RANBP2: variants seen among roughly 807,000 people sequenced by gnomAD.
RANBP2 encodes E3 SUMO-protein ligase RanBP2.
A neutral mutation model predicts 303.6 loss-of-function variants in RANBP2; 57 were observed. The observed-to-expected ratio is 0.19, with a 90% confidence interval of 0.15 to 0.23. The LOEUF (loss-of-function observed/expected upper bound fraction) is 0.23. RANBP2 is among the 10% of genes least tolerant of loss of function. The pLI is 1.00. For missense variants in RANBP2, 3,138 were observed against 3,780.8 expected, an observed-to-expected ratio of 0.83 and a Z score of 4.46; for synonymous variants, 1,167 against 1,301.5, an observed-to-expected ratio of 0.90 and a Z score of 2.23.
At chr2:108,810,968 A>G in the RANBP2 span, among the ~76,000 whole-genome samples, 2 of 152,068 alleles carry the variant, frequency 1.3e-5, no homozygotes, top group African/African-American at 4.8e-5. Flanking sequence ...TTGTTGGCAT[A>G]TAGTTGTTTC....
chr2:109,327,261 G>C, the RANBP2 span, among the ~76,000 whole-genome samples: 2 of 152,184 alleles, frequency 1.3e-5, no homozygotes, highest in South Asian at 4.1e-4. Flanking sequence ...TTTCCATCTA[G>C]ATAACCTAAC....
At chr2:108,942,201 C>T in the RANBP2 span, among the ~76,000 whole-genome samples, 1 of 152,260 alleles carries the variant, frequency 6.6e-6, no homozygotes, top group African/African-American at 2.4e-5. Flanking sequence ...AAGGGAGGCA[C>T]TCACTACTCC....
At chr2:109,151,278 C>G in the RANBP2 span, among the ~76,000 whole-genome samples, 1 of 152,062 alleles carries the variant, frequency 6.6e-6, no homozygotes, top group East Asian at 1.9e-4. Flanking sequence ...ATGTTTGTGG[C>G]CATGGAAACA....
the RANBP2 span, among the ~76,000 whole-genome samples, chr2:109,431,871 A>AG: frequency 7.4e-6 from 1 of 134,764 alleles, no homozygotes; most frequent in African/African-American, 3.3e-5. Flanking sequence ...ATGCTGTTTC[A>AG]AAAAAAAAAA....
chr2:109,269,014 ATGAGG>A, the RANBP2 span, among the ~76,000 whole-genome samples: 2 of 152,174 alleles, frequency 1.3e-5, no homozygotes, highest in Non-Finnish European at 2.9e-5. Context: ...TGCCCAGGTG[ATGAGG>A]CTTGAGGACA....
At chr2:109,249,467 C>CTCTTTCCTTCTTTCTT in the RANBP2 span, among the ~76,000 whole-genome samples, 1 of 99,290 alleles carries the variant, frequency 1.0e-5, no homozygotes, top group Admixed American at 1.1e-4. Context: ...TTCTCTCTTT[C>CTCTTTCCTTCTTTCTT]TCTTTCTTTC....
chr2:108,781,301 G>C lies in RANBP2; in HGVS notation c.8632G>C (p.Ala2878Pro). Reference protein sequence around the residue: ...KNFQWANTGAAVFGTQSVGTQ... With the variant: ...KNFQWANTGAPVFGTQSVGTQ... ...TTTCCAATGGGCAAATACTGGAGCA[G>C]CTGTGTTTGGAACACAGTCAGTCGG... is the stretch of plus-strand genomic sequence containing the variant. The change falls in exon 26 of 29, where the codon GCT (alanine) becomes CCT (proline). Residue 2878 changes from alanine to proline, a missense_variant. Physicochemically the swap from Ala to Pro is conservative, Grantham distance 27 (BLOSUM62 -1). Coordinates refer to ENST00000283195, the MANE Select transcript of RANBP2 (RefSeq NM_006267.5). 1.2e-6 allele frequency: 2 copies of C among 1,614,144 alleles called. No homozygotes were observed. The highest frequency in any genetic ancestry group is 1.7e-6 in the Non-Finnish European group (2 of 1,180,024).
chr2:109,592,361 A>C, the RANBP2 span, among the ~76,000 whole-genome samples: 65 of 151,970 alleles, frequency 4.3e-4, no homozygotes, highest in African/African-American at 1.6e-3. Context: ...GCTACTTGGA[A>C]GGCTGAGGCA....
chr2:109,479,792 G>A, the RANBP2 span, among the ~76,000 whole-genome samples: 1 of 152,112 alleles, frequency 6.6e-6, no homozygotes, highest in East Asian at 1.9e-4. Context: ...GCAATTCTAC[G>A]GGTTTCGCAG....
chr2:109,342,699 G>T, the RANBP2 span, among the ~76,000 whole-genome samples: 1 of 152,180 alleles, frequency 6.6e-6, no homozygotes, highest in African/African-American at 2.4e-5. Flanking sequence ...AGGGGTGTCA[G>T]GAGCACATTC....
chr2:109,644,342 A>G, the RANBP2 span, among the ~76,000 whole-genome samples: 3 of 151,764 alleles, frequency 2.0e-5, no homozygotes, highest in South Asian at 6.2e-4. Context: ...TGCACAGCTG[A>G]CTCTGCACGA....
At chr2:109,325,978 A>T in the RANBP2 span, among the ~76,000 whole-genome samples, 4 of 152,370 alleles carry the variant, frequency 2.6e-5, no homozygotes, top group East Asian at 7.7e-4. Flanking sequence ...CGTATATGTC[A>T]TGTTTAAAGA....
intron 17 of RANBP2, among the ~76,000 whole-genome samples, chr2:108,757,245 T>TACAAACC (rs1676388406): frequency 6.6e-6 from 1 of 152,202 alleles, no homozygotes; most frequent in Non-Finnish European, 1.5e-5. Context: ...TTTTGTAGGT[T>TACAAACC]CTAGGGTTGG....
chr2:109,122,884 C>A, the RANBP2 span, among the ~76,000 whole-genome samples: 1 of 152,114 alleles, frequency 6.6e-6, no homozygotes, highest in Non-Finnish European at 1.5e-5. Context: ...CACACCCACA[C>A]CCACACAAAA....
chr2:108,769,710 G>T (rs1677365669), intron 20 of RANBP2, among the ~76,000 whole-genome samples: 1 of 152,004 alleles, frequency 6.6e-6, no homozygotes, highest in Non-Finnish European at 1.5e-5. Context: ...GTTCTTTTGT[G>T]CATGGTTTAG....
At chr2:108,923,384 G>C in the RANBP2 span, 1 of 1,614,168 alleles carries the variant, frequency 6.2e-7, no homozygotes, top group African/African-American at 1.3e-5. Context: ...TGGTGTTGGG[G>C]GGTGCCAGGA....
chr2:109,371,416 G>A, the RANBP2 span, among the ~76,000 whole-genome samples: 1 of 152,226 alleles, frequency 6.6e-6, no homozygotes, highest in African/African-American at 2.4e-5. Context: ...GAAAGAAAGA[G>A]AGGGTGCTCC....
the RANBP2 span, among the ~76,000 whole-genome samples, chr2:109,505,324 G>A: frequency 2.6e-5 from 4 of 152,156 alleles, no homozygotes; most frequent in Admixed American, 6.5e-5. Context: ...ACACATCTAC[G>A]TATACATTTG....
At chr2:108,942,138 T>C in the RANBP2 span, among the ~76,000 whole-genome samples, 2 of 152,192 alleles carry the variant, frequency 1.3e-5, no homozygotes, top group African/African-American at 4.8e-5. Context: ...CTGAGCATAT[T>C]CGTGAAGGGC....
Sources: allele counts gnomAD v4.1 joint callset (sites outside exome capture counted in the v4.1 genomes callset), GRCh38; gene constraint gnomAD v4.1.1; transcripts MANE v1.5; gene names NCBI Gene and HGNC (gene_info 2026-07-23, HGNC 2026-07-21).